Variants in CADM2 observed in about 807,000 individuals in gnomAD.
CADM2 encodes the protein immunoglobulin superfamily member 4D.
Under a neutral mutation model 49.8 loss-of-function variants are expected in CADM2, and 12 were observed. That is an observed-to-expected ratio of 0.24 (90% CI 0.15 to 0.39). The LOEUF is 0.39. Ranked by LOEUF, CADM2 falls within the 10% of genes least tolerant of loss-of-function variation. The probability of loss-of-function intolerance (pLI) is 1.00; values close to 1 mark genes in which losing one functional copy is unlikely to be tolerated. For synonymous variants in CADM2, 214 were observed against 175.4 expected, an observed-to-expected ratio of 1.22 and a Z score of -1.74; for missense variants, 378 against 492.3, an observed-to-expected ratio of 0.77 and a Z score of 2.20.
At position 85,949,431 on chromosome 3, in the gene CADM2, GA is replaced by G. The variant is rs552213755; in HGVS notation, c.792-12032del. On this transcript the variant is annotated intron_variant, in intron 7 of 9. Transcript: ENST00000383699. ...AGCTGGGTATTGCAGAAATTTAGGG[GA>G]AAAAATATGTTAAGTCTTAGTTCCT... Among the ~76,000 whole-genome samples the G allele has an allele frequency of 2.1e-3, 319 of 151,110 alleles. 3 individuals carry two copies. Among genetic ancestry groups the G allele is most frequent in the African/African-American group, 7.5e-3 (311 of 41,382 alleles).
intron 1 of CADM2, among the ~76,000 whole-genome samples, chr3:85,043,935 C>A (rs1353698583): frequency 6.6e-6 from 1 of 152,080 alleles, no homozygotes; most frequent in African/African-American, 2.4e-5. Context: ...CATAAATAGG[C>A]AGCATGCTTT....
At chr3:85,981,681 A>G (rs1460379780) in intron 8 of CADM2, among the ~76,000 whole-genome samples, 1 of 151,646 alleles carries the variant, frequency 6.6e-6, no homozygotes, top group African/African-American at 2.4e-5. Flanking sequence ...TGCAAAGGAT[A>G]TGATCTCATT....
intron 3 of CADM2, among the ~76,000 whole-genome samples, chr3:85,812,561 T>C (rs2072945878): frequency 6.6e-6 from 1 of 152,132 alleles, no homozygotes; most frequent in African/African-American, 2.4e-5. Flanking sequence ...TTATTTTTTA[T>C]TATTTTACTT....
intron 1 of CADM2, among the ~76,000 whole-genome samples, chr3:85,118,006 G>A (rs919106772): frequency 6.6e-6 from 1 of 151,922 alleles, no homozygotes; most frequent in Non-Finnish European, 1.5e-5. Flanking sequence ...AAAAATCTTT[G>A]CTTCTCTAAA....
intron 2 of CADM2, among the ~76,000 whole-genome samples, chr3:85,797,871 C>A (rs767865533): frequency 2.6e-4 from 39 of 152,194 alleles, no homozygotes; most frequent in Admixed American, 3.9e-4. Flanking sequence ...TTTCTACTCC[C>A]ACCAACAGTG....
Position 85,733,504 on chromosome 3 carries a change from G to A in CADM2, c.88+6956G>A, listed in dbSNP as rs574538900. Among the ~76,000 whole-genome samples, 50 of 152,210 alleles carry A rather than the reference G, an allele frequency of 3.3e-4. 2 individuals are homozygous for A. The South Asian group carries it at 4.4e-3, about 13-fold the overall frequency. ...TGTTGCAAAGTACAAACTAGTCTGGGTCACAATGGAGAGAGAGTGTTATAT... is the reference window on the plus strand; with the variant it reads ...TGTTGCAAAGTACAAACTAGTCTGGATCACAATGGAGAGAGAGTGTTATAT... On this transcript the variant is annotated intron_variant, in intron 2 of 9. Coordinates refer to ENST00000383699, the MANE Select transcript of CADM2 (RefSeq NM_001167675.2).
chr3:85,489,795 G>GTA (rs1461650445), intron 1 of CADM2, among the ~76,000 whole-genome samples: 1 of 134,048 alleles, frequency 7.5e-6, no homozygotes, highest in Non-Finnish European at 1.7e-5. Context: ...TAACGTGTGT[G>GTA]TGTGTGTGTG....
intron 1 of CADM2, among the ~76,000 whole-genome samples, chr3:85,503,946 C>A (rs6809805): frequency 0.17 from 25,619 of 152,164 alleles, 2,676 homozygotes; most frequent in Non-Finnish European, 0.23. Flanking sequence ...TTTCGAAGTG[C>A]AGATTGTGAT....
chr3:85,198,158 T>G (rs1464682306), intron 1 of CADM2, among the ~76,000 whole-genome samples: 1 of 151,892 alleles, frequency 6.6e-6, no homozygotes, highest in East Asian at 1.9e-4. Flanking sequence ...CAAATTGGCC[T>G]AATTAACAGA....
At chr3:85,635,041 C>G (rs1199865145) in intron 1 of CADM2, among the ~76,000 whole-genome samples, 1 of 152,054 alleles carries the variant, frequency 6.6e-6, no homozygotes, top group African/African-American at 2.4e-5. Flanking sequence ...ATGAGAAATA[C>G]TTAGCATAGT....
At chr3:85,976,313 G>A (rs1323962845) in intron 8 of CADM2, among the ~76,000 whole-genome samples, 1 of 151,534 alleles carries the variant, frequency 6.6e-6, no homozygotes, top group Non-Finnish European at 1.5e-5. Context: ...TGATTGTCTA[G>A]TGGGACACTG....
At chr3:86,050,594 A>G (rs1737218888) in intron 8 of CADM2, among the ~76,000 whole-genome samples, 1 of 152,182 alleles carries the variant, frequency 6.6e-6, no homozygotes, top group Non-Finnish European at 1.5e-5. Flanking sequence ...TTCTGCCTAG[A>G]CATCCAGGCT....
At chr3:85,082,608 A>G (rs1280730948) in intron 1 of CADM2, among the ~76,000 whole-genome samples, 1 of 152,140 alleles carries the variant, frequency 6.6e-6, no homozygotes, top group Non-Finnish European at 1.5e-5. Flanking sequence ...GTGACATAGA[A>G]GTGACTTGAT....
At chr3:85,073,701 A>G (rs1461651650) in intron 1 of CADM2, among the ~76,000 whole-genome samples, 1 of 152,126 alleles carries the variant, frequency 6.6e-6, no homozygotes. Context: ...CATTTAAACC[A>G]ATCTATCCAA....
chr3:85,246,310 G>C (rs984726108), intron 1 of CADM2, among the ~76,000 whole-genome samples: 3 of 151,960 alleles, frequency 2.0e-5, no homozygotes, highest in Admixed American at 6.6e-5. Context: ...GTGGGGGAAG[G>C]GGGTAGGGAA....
At chr3:85,802,419 G>A (rs1040456268) in intron 3 of CADM2, among the ~76,000 whole-genome samples, 11 of 152,012 alleles carry the variant, frequency 7.2e-5, no homozygotes, top group East Asian at 3.9e-4. Flanking sequence ...ATTCTGTTTC[G>A]AAAATAGTTT....
intron 1 of CADM2, among the ~76,000 whole-genome samples, chr3:85,411,177 T>C (rs1374782485): frequency 6.6e-6 from 1 of 152,148 alleles, no homozygotes; most frequent in Non-Finnish European, 1.5e-5. Context: ...TGGTGGCTGA[T>C]AGAGTGAAAA....
chr3:85,646,449 G>T (rs939926048), intron 1 of CADM2, among the ~76,000 whole-genome samples: 1 of 151,960 alleles, frequency 6.6e-6, no homozygotes, highest in Non-Finnish European at 1.5e-5. Flanking sequence ...TCTCTAAAAA[G>T]AAGTATTCTG....
At chr3:85,868,895 A>T (rs2075817329) in intron 3 of CADM2, among the ~76,000 whole-genome samples, 1 of 152,108 alleles carries the variant, frequency 6.6e-6, no homozygotes. Context: ...TTGCACCTTT[A>T]TCTTCATCTC....
Sources: gnomAD v4.1 joint callset for allele counts (sites outside exome capture counted in the v4.1 genomes callset) on GRCh38, gnomAD v4.1.1 for gene constraint, MANE v1.5 for transcripts, NCBI Gene and HGNC (gene_info 2026-07-23, HGNC 2026-07-21) for gene names.